DLGAP1: variants seen among roughly 807,000 people sequenced by gnomAD.
DLGAP1 encodes the protein DLG associated protein 1.
Under a neutral mutation model 90.8 loss-of-function variants are expected in DLGAP1, and 11 were observed. The ratio of observed to expected loss-of-function variants is 0.12; its 90% CI spans 0.08 to 0.20. DLGAP1 has a LOEUF of 0.20. Ranked by LOEUF, DLGAP1 falls within the 10% of genes least tolerant of loss-of-function variation. DLGAP1 has a pLI of 1.00. For missense variants in DLGAP1, 1,050 were observed against 1,333.8 expected (o/e 0.79, Z 3.31); for synonymous variants, 558 against 540.7 (o/e 1.03, Z -0.44).
intron 4 of DLGAP1, among the ~76,000 whole-genome samples, chr18:3,817,706 A>G (rs1355528896): frequency 2.0e-5 from 3 of 152,198 alleles, no homozygotes; most frequent in Non-Finnish European, 4.4e-5. Flanking sequence ...TAAAGTGATA[A>G]GCATACCAGG....
At chr18:3,546,639 C>G (rs1415064769) in intron 9 of DLGAP1, among the ~76,000 whole-genome samples, 2 of 127,724 alleles carry the variant, frequency 1.6e-5, no homozygotes, top group African/African-American at 5.0e-5. Flanking sequence ...TCTAAGTAGC[C>G]CATGGGTTAA....
At chr18:4,166,027 C>T (rs926402915) in intron 1 of DLGAP1, among the ~76,000 whole-genome samples, 1 of 152,030 alleles carries the variant, frequency 6.6e-6, no homozygotes, top group Middle Eastern at 3.2e-3. Context: ...GGCATGGTGG[C>T]ATGTGCCTGC....
intron 4 of DLGAP1, among the ~76,000 whole-genome samples, chr18:3,857,473 C>A (rs986861089): frequency 1.3e-5 from 2 of 151,878 alleles, no homozygotes; most frequent in Admixed American, 1.3e-4. Context: ...ATGATTTTTA[C>A]CCTACCAGTT....
rs1555617975 is a variant in DLGAP1 at position 4,432,488 on chromosome 18, T to TA, written c.-267+22517_-267+22518insT. ...GGAAACTAGATATTGAAATAAATTT[T>TA]TTTAAAAATTATATATATTTACAGT... On this transcript the variant is annotated intron_variant, in intron 1 of 12. Transcript: ENST00000315677. 2.2e-3 allele frequency among the ~76,000 whole-genome samples: 327 copies of TA among 151,482 alleles called. 1 individual carries two copies. Among genetic ancestry groups the TA allele is most frequent in the African/African-American group, 7.1e-3 (292 of 41,256 alleles).
At chr18:3,544,042 G>C (rs1490265914) in intron 9 of DLGAP1, among the ~76,000 whole-genome samples, 3 of 152,170 alleles carry the variant, frequency 2.0e-5, no homozygotes, top group Non-Finnish European at 4.4e-5. Flanking sequence ...GCTGTATGTG[G>C]CAAAAATATC....
At chr18:3,734,708 T>C (rs2062572462) in intron 6 of DLGAP1, among the ~76,000 whole-genome samples, 1 of 152,178 alleles carries the variant, frequency 6.6e-6, no homozygotes, top group Admixed American at 6.5e-5. Flanking sequence ...TTACTGGCTT[T>C]TGTATTTTTT....
intron 1 of DLGAP1, among the ~76,000 whole-genome samples, chr18:4,341,107 C>T (rs1310191302): frequency 6.6e-6 from 1 of 151,824 alleles, no homozygotes; most frequent in Non-Finnish European, 1.5e-5. Flanking sequence ...GAGTGAAATT[C>T]CATAGTCTTT....
chr18:4,034,630 G>T (rs957934328), intron 2 of DLGAP1, among the ~76,000 whole-genome samples: 11 of 152,076 alleles, frequency 7.2e-5, no homozygotes, highest in Admixed American at 5.9e-4. Context: ...TTATAGCAAA[G>T]TTGGTCACCT....
intron 4 of DLGAP1, among the ~76,000 whole-genome samples, chr18:3,851,817 G>T (rs2069357576): frequency 6.6e-6 from 1 of 152,108 alleles, no homozygotes; most frequent in Non-Finnish European, 1.5e-5. Context: ...TAATGAAGCA[G>T]TTATAGCTAT....
At chr18:3,638,159 G>C (rs2058791480) in intron 7 of DLGAP1, among the ~76,000 whole-genome samples, 1 of 151,598 alleles carries the variant, frequency 6.6e-6, no homozygotes, top group African/African-American at 2.4e-5. Context: ...GTGTTAGCCA[G>C]GATGGTCTTG....
At chr18:4,234,894 A>T (rs1189124092) in intron 1 of DLGAP1, among the ~76,000 whole-genome samples, 2 of 152,218 alleles carry the variant, frequency 1.3e-5, no homozygotes, top group Non-Finnish European at 1.5e-5. Context: ...AAGGCATGTC[A>T]TAAAAAAAGG....
intron 7 of DLGAP1, among the ~76,000 whole-genome samples, chr18:3,682,419 T>G (rs890646825): frequency 1.3e-5 from 2 of 152,236 alleles, no homozygotes; most frequent in African/African-American, 4.8e-5. Flanking sequence ...AATGTGAGAA[T>G]GGACTAATAC....
intron 1 of DLGAP1, among the ~76,000 whole-genome samples, chr18:4,413,430 G>A (rs1381247133): frequency 6.6e-6 from 1 of 152,116 alleles, no homozygotes; most frequent in African/African-American, 2.4e-5. Flanking sequence ...ATGAAGCTCC[G>A]AAGTCCTGTG....
intron 1 of DLGAP1, among the ~76,000 whole-genome samples, chr18:4,382,684 GAT>G (rs1416384001): frequency 6.6e-6 from 1 of 152,010 alleles, no homozygotes; most frequent in Non-Finnish European, 1.5e-5. Flanking sequence ...AACTCTAAAA[GAT>G]AGGAATGCTA....
intron 3 of DLGAP1, among the ~76,000 whole-genome samples, chr18:3,883,962 G>A (rs1278400299): frequency 2.0e-5 from 3 of 152,198 alleles, no homozygotes; most frequent in South Asian, 2.1e-4. Context: ...TAGACAGAGG[G>A]CAATCCGCCT....
At chr18:3,803,063 C>T (rs554901780) in intron 5 of DLGAP1, among the ~76,000 whole-genome samples, 15 of 152,274 alleles carry the variant, frequency 9.9e-5, no homozygotes, top group African/African-American at 3.1e-4. Context: ...AGAAGCTCTG[C>T]CTCGTAGAGC....
At chr18:3,978,162 C>A in intron 3 of DLGAP1, 2 of 444,896 alleles carry the variant, frequency 4.5e-6, no homozygotes, top group Non-Finnish European at 8.9e-6. Flanking sequence ...TGGTGGGGGG[C>A]AAAGCCCTTG....
chr18:3,808,755 G>C (rs185549969), intron 5 of DLGAP1, among the ~76,000 whole-genome samples: 4 of 151,988 alleles, frequency 2.6e-5, no homozygotes, highest in Non-Finnish European at 4.4e-5. Context: ...AGTGTATGAC[G>C]TGAGGAACAG....
chr18:4,347,008 T>C (rs1001359760), intron 1 of DLGAP1, among the ~76,000 whole-genome samples: 2 of 151,428 alleles, frequency 1.3e-5, no homozygotes, highest in African/African-American at 4.9e-5. Flanking sequence ...AAATGAGAAA[T>C]AACATGAAGA....
Sources: gnomAD v4.1 joint callset for allele counts (sites outside exome capture counted in the v4.1 genomes callset) on GRCh38, gnomAD v4.1.1 for gene constraint, MANE v1.5 for transcripts, NCBI Gene and HGNC (gene_info 2026-07-23, HGNC 2026-07-21) for gene names.